Variants in EPHB1 observed in about 807,000 individuals in gnomAD.
The protein encoded by EPHB1 is ephrin type-B receptor 1.
EPHB1 carries 30 observed loss-of-function variants against 94.4 expected under a neutral mutation model. That is an observed-to-expected ratio of 0.32 (90% CI 0.24 to 0.43). The LOEUF is 0.43. Ranked by LOEUF, EPHB1 falls within the 20% of genes least tolerant of loss-of-function variation. The pLI, the probability that EPHB1 is intolerant of heterozygous loss-of-function variation, is 1.00. For missense variants in EPHB1, 1,055 were observed against 1,308.3 expected, an observed-to-expected ratio of 0.81 and a Z score of 2.99; for synonymous variants, 522 against 489.1, an observed-to-expected ratio of 1.07 and a Z score of -0.89.
rs534845405 is a variant in EPHB1, at chr3:134,941,266, T to A, written c.124-10105T>A. Among the ~76,000 whole-genome samples, 251 of 151,428 alleles carry A rather than the reference T, an allele frequency of 1.7e-3. 3 individuals carry two copies. Among genetic ancestry groups the A allele is most frequent in the Non-Finnish European group, 2.6e-3 (175 of 67,880 alleles). On this transcript the variant is annotated intron_variant, in intron 2 of 15. Coordinates refer to ENST00000398015, the MANE Select transcript of EPHB1 (RefSeq NM_004441.5). Reference sequence around the variant, plus strand: ...TCAGCTCAAATCTCTCACCTTCATTTTATAGTGGCTCTTCATTTTGACCAG... The same window carrying A: ...TCAGCTCAAATCTCTCACCTTCATTATATAGTGGCTCTTCATTTTGACCAG...
chr3:135,075,323 G>A (rs768612164), intron 3 of EPHB1, among the ~76,000 whole-genome samples: 8 of 152,236 alleles, frequency 5.3e-5, no homozygotes, highest in Non-Finnish European at 8.8e-5. Flanking sequence ...TTTGTCAACT[G>A]CAGGGTTAGA....
At chr3:135,073,398 T>C (rs995570457) in intron 3 of EPHB1, among the ~76,000 whole-genome samples, 1 of 152,224 alleles carries the variant, frequency 6.6e-6, no homozygotes, top group Non-Finnish European at 1.5e-5. Context: ...GAGAGTTGTA[T>C]AGCAAACTCA....
At chr3:135,135,160 A>G (rs1438460442) in intron 5 of EPHB1, among the ~76,000 whole-genome samples, 2 of 151,980 alleles carry the variant, frequency 1.3e-5, no homozygotes, top group East Asian at 3.9e-4. Flanking sequence ...CTTCCAATCT[A>G]TGATTCCCTG....
chr3:134,997,338 G>T (rs1237277342), intron 3 of EPHB1, among the ~76,000 whole-genome samples: 1 of 152,192 alleles, frequency 6.6e-6, no homozygotes. Context: ...TATGTCTGGG[G>T]TCTCCTTCTG....
At position 135,101,540 on chromosome 3, in the gene EPHB1, AT is replaced by A. The variant is rs369186263; in HGVS notation, c.806-4895del. Reference sequence around the variant, plus strand: ...AGGCACATGCCATGACGCCCAGCTAATTTTTTTTTTTTTGTATTTTTAGTAG... The same window carrying A: ...AGGCACATGCCATGACGCCCAGCTAATTTTTTTTTTTTGTATTTTTAGTAG... On this transcript the variant is annotated intron_variant, in intron 3 of 15. Transcript: ENST00000398015. 4.8e-3 allele frequency among the ~76,000 whole-genome samples: 688 copies of A among 144,562 alleles called. 1 individual carries two copies. The highest frequency in any genetic ancestry group is 0.012 in the African/African-American group (464 of 39,784). 94.8% of individuals were successfully genotyped at this position (144,562 alleles called of 152,430 possible).
intron 3 of EPHB1, among the ~76,000 whole-genome samples, chr3:135,040,148 A>ACT (rs1229458523): frequency 6.6e-6 from 1 of 152,082 alleles, no homozygotes; most frequent in Non-Finnish European, 1.5e-5. Context: ...TTAAATCCAC[A>ACT]CTCTGCCACT....
At chr3:134,875,872 C>G (rs553084389) in intron 1 of EPHB1, among the ~76,000 whole-genome samples, 1 of 152,290 alleles carries the variant, frequency 6.6e-6, no homozygotes, top group East Asian at 1.9e-4. Context: ...CCCTCAGTAG[C>G]CTCCCAGCAT....
intron 3 of EPHB1, among the ~76,000 whole-genome samples, chr3:135,006,569 C>A (rs930831357): frequency 6.6e-6 from 1 of 152,176 alleles, no homozygotes; most frequent in African/African-American, 2.4e-5. Flanking sequence ...GTAGCATATA[C>A]CTGTAATCCT....
At chr3:135,076,471 A>T (rs1232924133) in intron 3 of EPHB1, among the ~76,000 whole-genome samples, 1 of 152,182 alleles carries the variant, frequency 6.6e-6, no homozygotes, top group Non-Finnish European at 1.5e-5. Context: ...AAATTCAAAA[A>T]TGGAAGTCTT....
intron 1 of EPHB1, among the ~76,000 whole-genome samples, chr3:134,857,502 C>T (rs2037147738): frequency 6.6e-6 from 1 of 152,130 alleles, no homozygotes; most frequent in Non-Finnish European, 1.5e-5. Flanking sequence ...CCACTCCAGT[C>T]CACTCAATAG....
At chr3:135,199,396 T>C (rs1392007907) in intron 11 of EPHB1, among the ~76,000 whole-genome samples, 1 of 152,162 alleles carries the variant, frequency 6.6e-6, no homozygotes, top group African/African-American at 2.4e-5. Context: ...AGTGTATTAG[T>C]GAGAAGGAAG....
At chr3:134,822,221 C>T (rs768539063) in intron 1 of EPHB1, among the ~76,000 whole-genome samples, 33 of 152,282 alleles carry the variant, frequency 2.2e-4, no homozygotes, top group Non-Finnish European at 4.0e-4. Context: ...GTCCTATCTG[C>T]CATGCTGCTA....
intron 10 of EPHB1, among the ~76,000 whole-genome samples, chr3:135,187,631 C>T (rs550243342): frequency 8.5e-5 from 13 of 152,250 alleles, no homozygotes; most frequent in South Asian, 2.1e-4. Context: ...ATACGCCCAT[C>T]GACTCCTGCC....
At chr3:134,845,309 A>G (rs2036852843) in intron 1 of EPHB1, among the ~76,000 whole-genome samples, 1 of 152,228 alleles carries the variant, frequency 6.6e-6, no homozygotes, top group African/African-American at 2.4e-5. Context: ...AAGATGTGGG[A>G]TTGATGAAGA....
At chr3:134,978,016 A>C in intron 3 of EPHB1, 1 of 455,044 alleles carries the variant, frequency 2.2e-6, no homozygotes, top group South Asian at 1.6e-5. Flanking sequence ...ACATTGGAGG[A>C]GCCTGGTATT....
At chr3:135,191,341 TC>T (rs1454756578) in intron 10 of EPHB1, among the ~76,000 whole-genome samples, 1 of 152,196 alleles carries the variant, frequency 6.6e-6, no homozygotes, top group African/African-American at 2.4e-5. Context: ...TCACACAGCT[TC>T]CTTCCAATCT....
chr3:134,869,746 G>T (rs1268677760), intron 1 of EPHB1, among the ~76,000 whole-genome samples: 2 of 147,156 alleles, frequency 1.4e-5, no homozygotes, highest in South Asian at 2.2e-4. Context: ...AGTGATAGCA[G>T]TTTTTTTTTA....
At chr3:134,840,569 G>A (rs1464144332) in intron 1 of EPHB1, 1 of 152,176 alleles carries the variant, frequency 6.6e-6, no homozygotes, top group African/African-American at 2.4e-5. Flanking sequence ...GTTTCTCAGT[G>A]CCCATACCTA....
intron 3 of EPHB1, among the ~76,000 whole-genome samples, chr3:135,071,452 A>G (rs1027376839): frequency 1.3e-5 from 2 of 152,224 alleles, no homozygotes; most frequent in Non-Finnish European, 2.9e-5. Flanking sequence ...AATATGCTGC[A>G]CTGGGGAAAG....
Sources: allele counts gnomAD v4.1 joint callset (sites outside exome capture counted in the v4.1 genomes callset), GRCh38; gene constraint gnomAD v4.1.1; transcripts MANE v1.5; gene names NCBI Gene and HGNC (gene_info 2026-07-23, HGNC 2026-07-21).